The following PRR16 variants were observed in gnomAD, a reference collection of about 807,000 sequenced individuals.
PRR16 encodes protein Largen.
In PRR16, 6 loss-of-function variants were observed where a neutral mutation model predicts 18.2. The observed-to-expected ratio is 0.33, with a 90% CI of 0.18 to 0.65. The LOEUF is 0.65. Among genes scored for constraint, PRR16 ranks in the 30% least tolerant of loss-of-function variants. The probability of loss-of-function intolerance (pLI) is 0.74; values close to 1 mark genes in which losing one functional copy is unlikely to be tolerated. For synonymous variants in PRR16, 151 were observed against 147.8 expected, an observed-to-expected ratio of 1.02 and a Z score of -0.16; for missense variants, 412 against 376.6, an observed-to-expected ratio of 1.09 and a Z score of -0.78.
chr5:120,510,176 G>A (rs533337508), intron 1 of PRR16, among the ~76,000 whole-genome samples: 2 of 152,268 alleles, frequency 1.3e-5, no homozygotes, highest in African/African-American at 4.8e-5. Flanking sequence ...CTGACTTAGT[G>A]TTAATTTCTC....
intron 1 of PRR16, among the ~76,000 whole-genome samples, chr5:120,501,676 T>A (rs1405838109): frequency 3.3e-5 from 5 of 151,762 alleles, no homozygotes; most frequent in Admixed American, 3.3e-4. Context: ...CAGTTGCTCA[T>A]AAAATAAGAA....
intron 1 of PRR16, among the ~76,000 whole-genome samples, chr5:120,551,111 C>T (rs1005238874): frequency 6.6e-6 from 1 of 151,926 alleles, no homozygotes; most frequent in African/African-American, 2.4e-5. Context: ...TTATCTGTAA[C>T]TATAGTTACT....
the PRR16 span, among the ~76,000 whole-genome samples, chr5:120,782,170 T>TAA: frequency 6.6e-6 from 1 of 152,172 alleles, no homozygotes; most frequent in Non-Finnish European, 1.5e-5. Flanking sequence ...GACTTTAATG[T>TAA]AAAAGTTTGG....
chr5:120,580,932 T>C (rs1445789804), intron 1 of PRR16, among the ~76,000 whole-genome samples: 1 of 152,218 alleles, frequency 6.6e-6, no homozygotes, highest in Non-Finnish European at 1.5e-5. Context: ...TTTCCAGTAT[T>C]TTATTGAGGA....
At chr5:120,497,299 G>A (rs1206213546) in intron 1 of PRR16, among the ~76,000 whole-genome samples, 1 of 147,914 alleles carries the variant, frequency 6.8e-6, no homozygotes. Flanking sequence ...AAGGAATGTT[G>A]AACTGTTCAA....
At chr5:120,786,015 T>G in the PRR16 span, among the ~76,000 whole-genome samples, 1 of 151,934 alleles carries the variant, frequency 6.6e-6, no homozygotes, top group South Asian at 2.1e-4. Context: ...TTTTTCATTT[T>G]TTGTAGCTTT....
the PRR16 span, chr5:120,710,663 G>T: frequency 6.6e-6 from 1 of 152,074 alleles, no homozygotes; most frequent in Admixed American, 6.6e-5. Context: ...CGCTCAAAAA[G>T]ACACAAATGT....
At chr5:120,606,391 T>A (rs1754154816) in intron 1 of PRR16, among the ~76,000 whole-genome samples, 1 of 150,846 alleles carries the variant, frequency 6.6e-6, no homozygotes, top group Admixed American at 6.6e-5. Context: ...ATTTCAAATA[T>A]GTATTTTTTA....
At chr5:120,670,456 G>A (rs556284822) in intron 1 of PRR16, among the ~76,000 whole-genome samples, 7 of 152,238 alleles carry the variant, frequency 4.6e-5, no homozygotes, top group African/African-American at 1.7e-4. Flanking sequence ...CAAATTTTAT[G>A]TAACTTATTT....
At chr5:120,715,522 A>G in the PRR16 span, among the ~76,000 whole-genome samples, 1 of 152,210 alleles carries the variant, frequency 6.6e-6, no homozygotes, top group African/African-American at 2.4e-5. Context: ...ATGTATTACT[A>G]TGATCTCTAT....
chr5:120,681,595 C>G (rs1231351808), intron 1 of PRR16, among the ~76,000 whole-genome samples: 1 of 152,110 alleles, frequency 6.6e-6, no homozygotes, highest in East Asian at 1.9e-4. Context: ...CATTCCAGTT[C>G]TTCCTTCTGA....
intron 1 of PRR16, among the ~76,000 whole-genome samples, chr5:120,492,699 T>G (rs1036857962): frequency 6.6e-6 from 1 of 152,108 alleles, no homozygotes; most frequent in Non-Finnish European, 1.5e-5. Flanking sequence ...AATGTAGTCT[T>G]TTATCCCTGC....
intron 1 of PRR16, among the ~76,000 whole-genome samples, chr5:120,487,635 C>G (rs377369874): frequency 2.6e-5 from 4 of 152,124 alleles, no homozygotes; most frequent in East Asian, 1.9e-4. Flanking sequence ...TGAATACCCT[C>G]TATTTCCTTC....
At chr5:120,745,784 C>T in the PRR16 span, among the ~76,000 whole-genome samples, 1 of 151,698 alleles carries the variant, frequency 6.6e-6, no homozygotes, top group Non-Finnish European at 1.5e-5. Flanking sequence ...CTACAACCTC[C>T]TCCTCCCGTG....
chr5:120,769,348 C>G, the PRR16 span, among the ~76,000 whole-genome samples: 1 of 151,708 alleles, frequency 6.6e-6, no homozygotes, highest in Non-Finnish European at 1.5e-5. Flanking sequence ...CCCCCTCCCT[C>G]TTTTTGTGGT....
chr5:120,678,275 A>G (rs1756870530), intron 1 of PRR16, among the ~76,000 whole-genome samples: 1 of 152,082 alleles, frequency 6.6e-6, no homozygotes, highest in Admixed American at 6.5e-5. Flanking sequence ...CACCAATTCT[A>G]TATTTTTCTC....
At chr5:120,639,438 A>C (rs951716047) in intron 1 of PRR16, among the ~76,000 whole-genome samples, 5 of 152,122 alleles carry the variant, frequency 3.3e-5, no homozygotes, top group Non-Finnish European at 5.9e-5. Flanking sequence ...ATGTCTGTAG[A>C]AATGATTTTT....
chr5:120,717,054 T>C, the PRR16 span, among the ~76,000 whole-genome samples: 1 of 152,176 alleles, frequency 6.6e-6, no homozygotes, highest in East Asian at 1.9e-4. Flanking sequence ...TAACAATTTT[T>C]TGTGACCTTG....
the PRR16 span, among the ~76,000 whole-genome samples, chr5:120,703,168 A>G: frequency 6.6e-6 from 1 of 152,114 alleles, no homozygotes; most frequent in African/African-American, 2.4e-5. Context: ...GGGGGTCGCA[A>G]GGTGCTCAGT....
Sources: allele counts gnomAD v4.1 joint callset (sites outside exome capture counted in the v4.1 genomes callset), GRCh38; gene constraint gnomAD v4.1.1; transcripts MANE v1.5; gene names NCBI Gene and HGNC (gene_info 2026-07-23, HGNC 2026-07-21).